Variants in SLC4A10 observed in about 807,000 individuals in gnomAD.
The protein encoded by SLC4A10 is sodium-driven chloride bicarbonate exchanger.
Under a neutral mutation model 137.7 loss-of-function variants are expected in SLC4A10, and 42 were observed. That is an observed-to-expected ratio of 0.30 (90% CI 0.24 to 0.39). The LOEUF (loss-of-function observed/expected upper bound fraction) is 0.39, where lower values mean the gene tolerates loss of function less well. Ranked by LOEUF, SLC4A10 falls within the 10% of genes least tolerant of loss-of-function variation. SLC4A10 has a pLI of 1.00. For synonymous variants in SLC4A10, 474 were observed against 464.1 expected (o/e 1.02, Z -0.27); for missense variants, 925 against 1,355.0 (o/e 0.68, Z 4.98).
Position 161,798,193 on chromosome 2 carries a change from T to C in SLC4A10, c.131-6256T>C, listed in dbSNP as rs114881228. Among the ~76,000 whole-genome samples, 1,322 of 152,124 alleles carry C rather than the reference T, an allele frequency of 8.7e-3. 20 individuals are homozygous for C. The highest frequency in any genetic ancestry group is 0.03 in the African/African-American group (1,251 of 41,558). On this transcript the variant is annotated intron_variant, in intron 2 of 26. Transcript: ENST00000446997. ...AATGATGACTTGTGTTTTCTGACTC[T>C]GTTAGAGTCTCCATGGAATTAAAGA... is the stretch of plus-strand genomic sequence containing the variant.
At chr2:161,825,956 T>C (rs1372793892) in intron 3 of SLC4A10, among the ~76,000 whole-genome samples, 1 of 152,250 alleles carries the variant, frequency 6.6e-6, no homozygotes, top group African/African-American at 2.4e-5. Context: ...ATATCCCATG[T>C]GGAAATAAAT....
rs369886513 is a variant in SLC4A10, at chr2:161,674,729, T to C, written c.48+50163T>C. Among the ~76,000 whole-genome samples, 23 of 152,320 alleles carry C rather than the reference T, an allele frequency of 1.5e-4. 1 individual carries two copies. The South Asian group carries it at 2.7e-3, about 18-fold the overall frequency. Reference sequence around the variant, plus strand: ...GAAAGTCATCTTCATCCCTACCTTTTACAAATATACAAATACTTTTGTGGA... The same window carrying C: ...GAAAGTCATCTTCATCCCTACCTTTCACAAATATACAAATACTTTTGTGGA... On this transcript the variant is annotated intron_variant, in intron 1 of 26. Transcript: ENST00000446997.
At position 161,688,456 on chromosome 2, in the gene SLC4A10, C is replaced by T. The variant is rs150130734; in HGVS notation, c.48+63890C>T. Among the ~76,000 whole-genome samples the T allele has an allele frequency of 2.7e-3, 403 of 152,018 alleles. 3 individuals are homozygous for T. Among genetic ancestry groups the T allele is most frequent in the African/African-American group, 7.3e-3 (304 of 41,464 alleles). Reference sequence around the variant, plus strand: ...AAATACATCTCTTGGGTAGAGTATGCGATGCATTAGTACTCCCTGAGGTTT... The same window carrying T: ...AAATACATCTCTTGGGTAGAGTATGTGATGCATTAGTACTCCCTGAGGTTT... On this transcript the variant is annotated intron_variant, in intron 1 of 26. Transcript: ENST00000446997.
intron 2 of SLC4A10, among the ~76,000 whole-genome samples, chr2:161,793,481 C>T (rs893948091): frequency 1.3e-5 from 2 of 150,762 alleles, no homozygotes; most frequent in Non-Finnish European, 3.0e-5. Flanking sequence ...ATTCTACTCT[C>T]TAGTTCTATG....
rs532038507 is a variant in SLC4A10, at chr2:161,699,194, A to AT, written c.49-71772dup. Among the ~76,000 whole-genome samples the AT allele has an allele frequency of 5.1e-3, 772 of 151,808 alleles. 12 individuals carry two copies. The highest frequency in any genetic ancestry group is 0.02 in the Middle Eastern group (6 of 294). Reference sequence around the variant, plus strand: ...CCACCATGCCTGGCTAATTTTTTGTATTTTTTTAGTAGAGACGGGGTTTCA... The same window carrying AT: ...CCACCATGCCTGGCTAATTTTTTGTATTTTTTTTAGTAGAGACGGGGTTTCA... On this transcript the variant is annotated intron_variant, in intron 1 of 26. Coordinates refer to ENST00000446997, the MANE Select transcript of SLC4A10 (RefSeq NM_001178015.2).
intron 1 of SLC4A10, among the ~76,000 whole-genome samples, chr2:161,738,537 G>A (rs2047573061): frequency 6.6e-6 from 1 of 152,166 alleles, no homozygotes; most frequent in Admixed American, 6.5e-5. Context: ...AAAACTTTGT[G>A]ATTTGTACAA....
rs1491276601 is a variant in SLC4A10, at chr2:161,933,191, CT to C, written c.1998-9598del. ...CTCTTTCCCCTTCCTTCTTTTCTTT[CT>C]TTCTTTCTTTCTTTCTTTCTTTCTT... On this transcript the variant is annotated intron_variant, in intron 15 of 26. Coordinates refer to ENST00000446997, the MANE Select transcript of SLC4A10 (RefSeq NM_001178015.2). Among the ~76,000 whole-genome samples the C allele has an allele frequency of 4.2e-5, 2 of 48,130 alleles. 1 individual carries two copies. Among genetic ancestry groups the C allele is most frequent in the East Asian group, 1.7e-3 (2 of 1,162 alleles). 31.6% of individuals were successfully genotyped at this position (48,130 alleles called of 152,430 possible).
intron 24 of SLC4A10, among the ~76,000 whole-genome samples, chr2:161,976,212 A>T (rs1699358323): frequency 6.6e-6 from 1 of 152,224 alleles, no homozygotes. Flanking sequence ...ATTTTTAATT[A>T]TCAAAAATAT....
chr2:161,914,960 G>A (rs542776590), intron 15 of SLC4A10, among the ~76,000 whole-genome samples: 13 of 152,220 alleles, frequency 8.5e-5, no homozygotes, highest in Admixed American at 2.6e-4. Flanking sequence ...GCCCAAAGTG[G>A]TAACTTCCAT....
Position 161,662,006 on chromosome 2 carries a change from T to G in SLC4A10, c.48+37440T>G, listed in dbSNP as rs546412810. Reference sequence around the variant, plus strand: ...CAGAAAATACGCTTTATGGAGATATTCTACTCATTAATAGTTAAAATGACT... The same window carrying G: ...CAGAAAATACGCTTTATGGAGATATGCTACTCATTAATAGTTAAAATGACT... On this transcript the variant is annotated intron_variant, in intron 1 of 26. Transcript: ENST00000446997. Among the ~76,000 whole-genome samples, 54 of 152,254 alleles carry G rather than the reference T, an allele frequency of 3.5e-4. 2 individuals are homozygous for G. In the South Asian group the frequency reaches 0.011, roughly 31 times the overall value.
chr2:161,928,412 A>G (rs1052936927), intron 15 of SLC4A10, among the ~76,000 whole-genome samples: 2 of 148,296 alleles, frequency 1.3e-5, no homozygotes, highest in African/African-American at 4.9e-5. Context: ...TAGGAGATAT[A>G]CCTAATGCTA....
At chr2:161,819,402 A>C (rs2057415475) in intron 3 of SLC4A10, among the ~76,000 whole-genome samples, 1 of 152,152 alleles carries the variant, frequency 6.6e-6, no homozygotes, top group Non-Finnish European at 1.5e-5. Context: ...TAATAAATAT[A>C]ATAAATATAT....
chr2:161,719,491 T>C (rs886588936), intron 1 of SLC4A10, among the ~76,000 whole-genome samples: 2 of 152,196 alleles, frequency 1.3e-5, no homozygotes, highest in African/African-American at 2.4e-5. Context: ...ACTTCCACAA[T>C]GGTTGAACTA....
chr2:161,814,855 C>A (rs970964160), intron 3 of SLC4A10, among the ~76,000 whole-genome samples: 1 of 151,994 alleles, frequency 6.6e-6, no homozygotes, highest in Admixed American at 6.6e-5. Flanking sequence ...ATCAGTCATA[C>A]CCCAAACCTC....
intron 1 of SLC4A10, among the ~76,000 whole-genome samples, chr2:161,657,735 A>G (rs1316365235): frequency 1.3e-5 from 2 of 152,100 alleles, no homozygotes; most frequent in Admixed American, 6.6e-5. Flanking sequence ...TTTCTATGAA[A>G]TTAAAGAGAT....
intron 3 of SLC4A10, among the ~76,000 whole-genome samples, chr2:161,814,268 TAAAAA>T (rs1553561621): frequency 1.3e-5 from 2 of 151,930 alleles, no homozygotes; most frequent in African/African-American, 2.4e-5. Flanking sequence ...ATCAAAAAGT[TAAAAA>T]ATAACAGATT....
intron 18 of SLC4A10, among the ~76,000 whole-genome samples, chr2:161,950,317 A>G (rs1443574245): frequency 6.6e-6 from 1 of 152,090 alleles, no homozygotes; most frequent in Non-Finnish European, 1.5e-5. Flanking sequence ...AATAGTAAAT[A>G]TTAATATCAT....
chr2:161,747,566 A>C (rs1217930985), intron 1 of SLC4A10, among the ~76,000 whole-genome samples: 1 of 152,148 alleles, frequency 6.6e-6, no homozygotes, highest in African/African-American at 2.4e-5. Flanking sequence ...TTGTGTGGGC[A>C]GTTGTTCAAC....
At chr2:161,796,951 C>T (rs946480600) in intron 2 of SLC4A10, among the ~76,000 whole-genome samples, 4 of 151,984 alleles carry the variant, frequency 2.6e-5, no homozygotes, top group Non-Finnish European at 5.9e-5. Flanking sequence ...TAACCTATTT[C>T]CCTGAAGCAA....
Sources: gnomAD v4.1 joint callset for allele counts (sites outside exome capture counted in the v4.1 genomes callset) on GRCh38, gnomAD v4.1.1 for gene constraint, MANE v1.5 for transcripts, NCBI Gene and HGNC (gene_info 2026-07-23, HGNC 2026-07-21) for gene names.